Variants in DIP2C observed in about 807,000 individuals in gnomAD.
The protein encoded by DIP2C is disco-interacting protein 2 homolog C.
DIP2C carries 33 observed loss-of-function variants against 192.4 expected under a neutral mutation model. That is an observed-to-expected ratio of 0.17 (90% CI 0.13 to 0.23). DIP2C has a LOEUF of 0.23. Ranked by LOEUF, DIP2C falls within the 10% of genes least tolerant of loss-of-function variation. The pLI is 1.00. For missense variants in DIP2C, 1,537 were observed against 2,110.1 expected, an observed-to-expected ratio of 0.73 and a Z score of 5.32; for synonymous variants, 979 against 864.1, an observed-to-expected ratio of 1.13 and a Z score of -2.33.
At chr10:434,226 A>G (rs1966991226) in intron 4 of DIP2C, among the ~76,000 whole-genome samples, 1 of 152,238 alleles carries the variant, frequency 6.6e-6, no homozygotes, top group South Asian at 2.1e-4. Flanking sequence ...GAACTGTTAC[A>G]TTAAATCTAT....
chr10:605,478 C>T (rs971823508), intron 1 of DIP2C, among the ~76,000 whole-genome samples: 4 of 152,170 alleles, frequency 2.6e-5, no homozygotes, highest in Non-Finnish European at 5.9e-5. Flanking sequence ...AACTGATGCC[C>T]GCCCTTCGCA....
intron 10 of DIP2C, among the ~76,000 whole-genome samples, chr10:398,873 T>C (rs773419283): frequency 1.3e-5 from 2 of 152,232 alleles, no homozygotes; most frequent in South Asian, 2.1e-4. Flanking sequence ...CAAACACCCT[T>C]GCTTTACTGA....
chr10:516,131 G>C (rs1376976398), intron 1 of DIP2C, among the ~76,000 whole-genome samples: 5 of 149,338 alleles, frequency 3.3e-5, no homozygotes, highest in African/African-American at 5.0e-5. Context: ...CTGTACCTTT[G>C]TCCTCCATCC....
At chr10:681,861 G>A (rs1022831595) in intron 1 of DIP2C, among the ~76,000 whole-genome samples, 1 of 152,220 alleles carries the variant, frequency 6.6e-6, no homozygotes, top group African/African-American at 2.4e-5. Flanking sequence ...TAAGGCCCTT[G>A]GGAGAGGTCC....
At chr10:519,786 G>A (rs1328223891) in intron 1 of DIP2C, among the ~76,000 whole-genome samples, 2 of 152,232 alleles carry the variant, frequency 1.3e-5, no homozygotes, top group African/African-American at 2.4e-5. Flanking sequence ...AACGGACGAC[G>A]CAGTCTTGAA....
At chr10:314,152 A>G (rs909165038) in intron 31 of DIP2C, among the ~76,000 whole-genome samples, 8 of 152,232 alleles carry the variant, frequency 5.3e-5, no homozygotes, top group African/African-American at 1.9e-4. Context: ...CTATTTCCAG[A>G]AGAATTTTTA....
At chr10:442,311 A>G (rs1967808551) in intron 3 of DIP2C, among the ~76,000 whole-genome samples, 1 of 152,024 alleles carries the variant, frequency 6.6e-6, no homozygotes, top group African/African-American at 2.4e-5. Flanking sequence ...TCACGCCCAC[A>G]ATCAGCTCAT....
At chr10:316,330 G>A (rs1328900166) in intron 31 of DIP2C, among the ~76,000 whole-genome samples, 7 of 152,170 alleles carry the variant, frequency 4.6e-5, no homozygotes, top group East Asian at 3.9e-4. Flanking sequence ...GGCAGGATCC[G>A]GATGCTGGGC....
At chr10:366,951 A>ACC (rs990273088) in intron 18 of DIP2C, among the ~76,000 whole-genome samples, 3 of 151,832 alleles carry the variant, frequency 2.0e-5, no homozygotes, top group South Asian at 2.1e-4. Flanking sequence ...CATCCTACAT[A>ACC]CCCCCCAACT....
chr10:583,797 C>CA (rs765914773), intron 1 of DIP2C, among the ~76,000 whole-genome samples: 9 of 152,310 alleles, frequency 5.9e-5, no homozygotes, highest in East Asian at 3.9e-4. Context: ...CGCTCCAAAA[C>CA]AAAAACACAC....
intron 1 of DIP2C, among the ~76,000 whole-genome samples, chr10:532,995 C>A (rs1255416243): frequency 6.6e-6 from 1 of 152,164 alleles, no homozygotes; most frequent in Admixed American, 6.5e-5. Flanking sequence ...GCTGGGATTA[C>A]AGGTGTGAGC....
At chr10:505,911 T>C (rs1232063562) in intron 1 of DIP2C, among the ~76,000 whole-genome samples, 1 of 152,234 alleles carries the variant, frequency 6.6e-6, no homozygotes, top group Non-Finnish European at 1.5e-5. Context: ...CATCTCCTGC[T>C]GTAAAAACTC....
At chr10:685,639 G>A (rs1445982721) in intron 1 of DIP2C, among the ~76,000 whole-genome samples, 2 of 152,192 alleles carry the variant, frequency 1.3e-5, no homozygotes, top group Middle Eastern at 3.4e-3. Flanking sequence ...ACAGCTAAAT[G>A]CAATCTTTTT....
chr10:317,492 C>A (rs1426780002), intron 31 of DIP2C, among the ~76,000 whole-genome samples: 1 of 152,188 alleles, frequency 6.6e-6, no homozygotes, highest in East Asian at 1.9e-4. Flanking sequence ...AGCCACAGAG[C>A]AGATGAAAGC....
At chr10:410,344 C>T (rs1488463621) in intron 8 of DIP2C, among the ~76,000 whole-genome samples, 3 of 152,184 alleles carry the variant, frequency 2.0e-5, no homozygotes, top group African/African-American at 7.2e-5. Flanking sequence ...CTAGCATATT[C>T]TTGAGCACTT....
chr10:513,684 C>T (rs1355729230), intron 1 of DIP2C, among the ~76,000 whole-genome samples: 2 of 152,196 alleles, frequency 1.3e-5, no homozygotes, highest in East Asian at 3.9e-4. Flanking sequence ...CCTCCACCCC[C>T]ACCCCATGTC....
At chr10:642,140 T>A (rs1469412792) in intron 1 of DIP2C, among the ~76,000 whole-genome samples, 1 of 152,226 alleles carries the variant, frequency 6.6e-6, no homozygotes, top group Non-Finnish European at 1.5e-5. Context: ...CTACACCCCT[T>A]CTAAGGAAAC....
intron 33 of DIP2C, among the ~76,000 whole-genome samples, chr10:288,094 G>A (rs1365345490): frequency 6.6e-6 from 1 of 152,152 alleles, no homozygotes; most frequent in Non-Finnish European, 1.5e-5. Context: ...CTGGTAATTG[G>A]GCTCCAATGC....
At chr10:405,789 C>T (rs533826216) in intron 9 of DIP2C, among the ~76,000 whole-genome samples, 1 of 152,296 alleles carries the variant, frequency 6.6e-6, no homozygotes, top group African/African-American at 2.4e-5. Context: ...GGAGCAAAGG[C>T]CTTTCCGGCT....
Sources: allele counts gnomAD v4.1 joint callset (sites outside exome capture counted in the v4.1 genomes callset), GRCh38; gene constraint gnomAD v4.1.1; transcripts MANE v1.5; gene names NCBI Gene and HGNC (gene_info 2026-07-23, HGNC 2026-07-21).